The following SNTB2 variants were observed in gnomAD, a reference collection of about 807,000 sequenced individuals.
The protein encoded by SNTB2 is syntrophin beta 2, also known as beta-2-syntrophin.
SNTB2 carries 34 observed loss-of-function variants against 46.2 expected under a neutral mutation model. The observed-to-expected ratio is 0.74, with a 90% CI of 0.56 to 0.98. The LOEUF (loss-of-function observed/expected upper bound fraction) is 0.98. SNTB2 is among the 50% of genes least tolerant of loss of function. The pLI, the probability that SNTB2 is intolerant of heterozygous loss-of-function variation, is 0.00. For missense variants in SNTB2, 603 were observed against 731.4 expected (o/e 0.82, Z 2.02); for synonymous variants, 290 against 312.6 (o/e 0.93, Z 0.76).
chr16:69,253,634 G>A (rs945775414), intron 2 of SNTB2, among the ~76,000 whole-genome samples: 5 of 152,144 alleles, frequency 3.3e-5, no homozygotes, highest in Non-Finnish European at 7.3e-5. Context: ...GGGCGACAGA[G>A]CAAGACTCTG....
chr16:69,305,777 C>G lies in SNTB2; in HGVS notation c.*4853C>G, dbSNP rs1965311429. ...ATTGTGGCTTTTTTTTTTTTTTAAC[C>G]CCACTGAAGATGGAAGTAGAGCAGT... On this transcript the variant is annotated 3_prime_UTR_variant, in exon 7 of 7. Transcript: ENST00000336278. The G allele has an allele frequency of 6.7e-6, 1 of 150,276 alleles. No homozygotes were observed. Among genetic ancestry groups the G allele is most frequent in the Non-Finnish European group, 1.5e-5 (1 of 67,740 alleles). 9.3% of individuals were successfully genotyped at this position (150,276 alleles called of 1,614,324 possible).
chr16:69,294,663 G>A (rs749131366), intron 5 of SNTB2, among the ~76,000 whole-genome samples: 6 of 152,002 alleles, frequency 3.9e-5, no homozygotes, highest in African/African-American at 7.2e-5. Flanking sequence ...AACCCAGGAG[G>A]CGGAGGTTGC....
chr16:69,279,927 C>T (rs980723313), intron 4 of SNTB2, among the ~76,000 whole-genome samples: 44 of 151,738 alleles, frequency 2.9e-4, no homozygotes, highest in African/African-American at 1.1e-3. Flanking sequence ...TTGGCAGGGT[C>T]ATAGGACAAT....
chr16:69,286,544 G>A lies in SNTB2; in HGVS notation c.1345+2300G>A, dbSNP rs1965103956. ...ACTAAAAATACAAAAATTTAGCTGG[G>A]AGTGGTGACACACATCTGTAGCCCC... On this transcript the variant is annotated intron_variant, in intron 5 of 6. Transcript: ENST00000336278. 2.0e-5 allele frequency among the ~76,000 whole-genome samples: 3 copies of A among 152,044 alleles called. No individual in the cohort carries two copies. In the South Asian group the frequency reaches 6.2e-4, roughly 32 times the overall value.
At chr16:69,278,059 A>G (rs936512709) in intron 4 of SNTB2, among the ~76,000 whole-genome samples, 46 of 152,146 alleles carry the variant, frequency 3.0e-4, no homozygotes, top group African/African-American at 1.0e-3. Context: ...GCACGCGCCT[A>G]TTGTCCCAAC....
chr16:69,234,121 A>G (rs1475846061), intron 1 of SNTB2, among the ~76,000 whole-genome samples: 1 of 152,214 alleles, frequency 6.6e-6, no homozygotes, highest in Non-Finnish European at 1.5e-5. Flanking sequence ...GCTTGAGCCT[A>G]GGAGTTCAAG....
At chr16:69,235,015 CTTTA>C (rs955400907) in intron 1 of SNTB2, among the ~76,000 whole-genome samples, 16 of 151,840 alleles carry the variant, frequency 1.1e-4, no homozygotes, top group Middle Eastern at 3.4e-3. Context: ...CAACTTGGTT[CTTTA>C]TTTATTTATT....
chr16:69,237,793 G>A (rs751521704), intron 1 of SNTB2, among the ~76,000 whole-genome samples: 9 of 151,200 alleles, frequency 6.0e-5, no homozygotes, highest in Non-Finnish European at 1.0e-4. Flanking sequence ...GAGTAGAGAC[G>A]GAGTTTCTCC....
chr16:69,299,327 G>A (rs1965257606), intron 5 of SNTB2, among the ~76,000 whole-genome samples: 1 of 151,970 alleles, frequency 6.6e-6, no homozygotes, highest in South Asian at 2.1e-4. Flanking sequence ...ATTTTTAGTA[G>A]AGACGGGGTT....
chr16:69,201,125 C>G (rs765466656), intron 1 of SNTB2, among the ~76,000 whole-genome samples: 1 of 152,194 alleles, frequency 6.6e-6, no homozygotes, highest in Non-Finnish European at 1.5e-5. Context: ...CATAGGAAAA[C>G]AGCATCCTGG....
rs1965076769 is a variant in SNTB2, at chr16:69,284,077, C to G, written c.1178C>G (p.Ser393Cys). The G allele has an allele frequency of 6.2e-7, 1 of 1,613,164 alleles. No individual in the cohort carries two copies. The highest frequency in any genetic ancestry group is 8.5e-7 in the Non-Finnish European group (1 of 1,179,466). ...RLVHSGSGCR[S>C]PSLGSDLTFA... is the part of the protein sequence containing the mutation. ...GTTCATTCTGGCTCCGGATGTCGAT[C>G]CCCCTCCCTTGGATCTGACCTTACA... Residue 393 changes from serine to cysteine, a missense_variant, in exon 5 of 7, where the codon TCC becomes TGC. Transcript: ENST00000336278.
intron 2 of SNTB2, among the ~76,000 whole-genome samples, chr16:69,257,853 G>A (rs1292332142): frequency 6.6e-6 from 1 of 152,214 alleles, no homozygotes; most frequent in South Asian, 2.1e-4. Context: ...GGTAGGCCTG[G>A]AAGTAGCTAG....
chr16:69,210,043 T>C (rs1265933986), intron 1 of SNTB2, among the ~76,000 whole-genome samples: 1 of 146,292 alleles, frequency 6.8e-6, no homozygotes, highest in East Asian at 2.0e-4. Flanking sequence ...TTTTTTTTTT[T>C]AGACGGAGTT....
intron 1 of SNTB2, among the ~76,000 whole-genome samples, chr16:69,199,595 CAAA>C (rs60011703): frequency 1.3e-4 from 10 of 76,828 alleles, no homozygotes; most frequent in Admixed American, 1.4e-4. Context: ...AACACTGCCT[CAAA>C]AAAAAAAAAA....
At chr16:69,235,099 C>T (rs1458483746) in intron 1 of SNTB2, among the ~76,000 whole-genome samples, 3 of 151,940 alleles carry the variant, frequency 2.0e-5, no homozygotes, top group Admixed American at 6.6e-5. Context: ...CAGCCTCTGT[C>T]GCCTGGTTTC....
intron 1 of SNTB2, among the ~76,000 whole-genome samples, chr16:69,196,078 A>G (rs1283300529): frequency 2.0e-5 from 3 of 152,100 alleles, no homozygotes; most frequent in Non-Finnish European, 4.4e-5. Context: ...TCTCTACAAA[A>G]CATGTAAAAA....
chr16:69,264,948 C>A (rs922895035), intron 3 of SNTB2, among the ~76,000 whole-genome samples: 1 of 152,122 alleles, frequency 6.6e-6, no homozygotes, highest in Non-Finnish European at 1.5e-5. Context: ...TAAGTGATTA[C>A]GATTAAAATT....
intron 5 of SNTB2, among the ~76,000 whole-genome samples, chr16:69,293,020 A>G (rs897658845): frequency 5.9e-5 from 9 of 152,164 alleles, no homozygotes; most frequent in African/African-American, 2.2e-4. Context: ...CCAGAGGAAG[A>G]GTATTTCAAG....
intron 2 of SNTB2, among the ~76,000 whole-genome samples, chr16:69,246,916 G>A (rs1203699418): frequency 2.7e-4 from 27 of 98,684 alleles, no homozygotes; most frequent in African/African-American, 1.0e-3. Flanking sequence ...GGGGAGGGGG[G>A]AGGGATAGCA....
Sources: allele counts gnomAD v4.1 joint callset (sites outside exome capture counted in the v4.1 genomes callset), GRCh38; gene constraint gnomAD v4.1.1; transcripts MANE v1.5; gene names NCBI Gene and HGNC (gene_info 2026-07-23, HGNC 2026-07-21).